The following SMIM41 variants were observed in gnomAD, a reference collection of about 807,000 sequenced individuals.
SMIM41 encodes the protein small integral membrane protein 41.
In SMIM41 at chr12:52,099,356, C is replaced by T. The variant is rs552929585; in HGVS notation, c.*196-8023C>T. On this transcript the variant is annotated intron_variant, in intron 2 of 2. Transcript: ENST00000546390. ...TATCACGGGTGGTTTACATCCCCTGCGATATTGGGAGTAATATCATCCTCT... is the reference window on the plus strand; with the variant it reads ...TATCACGGGTGGTTTACATCCCCTGTGATATTGGGAGTAATATCATCCTCT... Among the ~76,000 whole-genome samples the T allele has an allele frequency of 3.3e-5, 5 of 152,008 alleles. No homozygotes were observed. In the South Asian group the frequency reaches 6.2e-4, roughly 19 times the overall value.
At chr12:52,105,932 G>A (rs1466105797) in intron 2 of SMIM41, among the ~76,000 whole-genome samples, 1 of 152,196 alleles carries the variant, frequency 6.6e-6, no homozygotes, top group African/African-American at 2.4e-5. Flanking sequence ...TCTCATCTGA[G>A]TTGATTTGTA....
Position 52,080,131 on chromosome 12 carries a change from G to C in SMIM41, c.*70G>C. 2.9e-6 allele frequency: 1 copy of C among 345,686 alleles called. No individual in the cohort carries two copies. The highest frequency in any genetic ancestry group is 4.4e-5 in the East Asian group (1 of 22,672). 21.4% of individuals were successfully genotyped at this position (345,686 alleles called of 1,614,324 possible). A position where few individuals can be genotyped will look rare whatever the true frequency, so the allele number is the denominator to read the frequency against. On this transcript the variant is annotated 3_prime_UTR_variant, in exon 1 of 3. Coordinates refer to ENST00000546390, the MANE Select transcript of SMIM41 (RefSeq NM_001369216.1). ...ACTCCGAGCGGTCCGGAGCATGCCC[G>C]ACGGCTGCTGCGGTCCCGACCCCTT...
chr12:52,102,838 C>T (rs572641156), intron 2 of SMIM41, among the ~76,000 whole-genome samples: 8 of 152,154 alleles, frequency 5.3e-5, no homozygotes, highest in African/African-American at 9.7e-5. Flanking sequence ...CAGATGTTCC[C>T]GCAGTTGCAC....
At position 52,108,172 on chromosome 12, in the gene SMIM41, C is replaced by T. The variant is rs1402753959; in HGVS notation, c.*989C>T. 4.1e-5 allele frequency: 9 copies of T among 217,032 alleles called. No homozygotes were observed. The South Asian group carries it at 5.0e-4, about 12-fold the overall frequency. The allele number at this position is 217,032 out of a possible 1,614,324, so 13.4% of individuals were successfully genotyped here. ...GGTGCAGTGGCTGCAGTGATGTACA[C>T]GGTGGTCACCTCCATGCTCAACCCC... On this transcript the variant is annotated 3_prime_UTR_variant, in exon 3 of 3. Coordinates refer to ENST00000546390, the MANE Select transcript of SMIM41 (RefSeq NM_001369216.1).
At chr12:52,088,444 C>T (rs1376123217) in intron 2 of SMIM41, among the ~76,000 whole-genome samples, 1 of 152,120 alleles carries the variant, frequency 6.6e-6, no homozygotes, top group Non-Finnish European at 1.5e-5. Context: ...GAGGCTAGTG[C>T]GGATGGGGAA....
intron 2 of SMIM41, among the ~76,000 whole-genome samples, chr12:52,101,514 A>G (rs1436327192): frequency 6.6e-6 from 1 of 152,218 alleles, no homozygotes; most frequent in Non-Finnish European, 1.5e-5. Flanking sequence ...ATGGGGAATG[A>G]AGAGAAGTGG....
At chr12:52,096,556 TAAA>T (rs948167209) in intron 2 of SMIM41, among the ~76,000 whole-genome samples, 1 of 151,732 alleles carries the variant, frequency 6.6e-6, no homozygotes, top group Non-Finnish European at 1.5e-5. Flanking sequence ...TAATTGATAA[TAAA>T]AAGTTTTTGG....
At chr12:52,090,466 C>T (rs957026984) in intron 2 of SMIM41, among the ~76,000 whole-genome samples, 2 of 152,048 alleles carry the variant, frequency 1.3e-5, no homozygotes, top group African/African-American at 4.8e-5. Context: ...GCACTCCAGG[C>T]CACGGAACAA....
intron 2 of SMIM41, among the ~76,000 whole-genome samples, chr12:52,095,576 C>T (rs928472007): frequency 6.6e-5 from 10 of 152,108 alleles, no homozygotes; most frequent in Non-Finnish European, 2.9e-5. Context: ...TTGTATCATC[C>T]TCTCCCACGT....
chr12:52,098,739 G>GT (rs111875010), intron 2 of SMIM41, among the ~76,000 whole-genome samples: 1 of 150,618 alleles, frequency 6.6e-6, no homozygotes, highest in Non-Finnish European at 1.5e-5. Flanking sequence ...TATCACGGGG[G>GT]GGGGGGTGTA....
chr12:52,108,166 T>G lies in SMIM41; in HGVS notation c.*983T>G, dbSNP rs1345047628. 4.5e-6 allele frequency: 1 copy of G among 223,694 alleles called. No individual in the cohort carries two copies. The highest frequency in any genetic ancestry group is 8.9e-6 in the Non-Finnish European group (1 of 112,828). The allele number at this position is 223,694 out of a possible 1,614,324, so 13.9% of individuals were successfully genotyped here. A position where few individuals can be genotyped will look rare whatever the true frequency, so the allele number is the denominator to read the frequency against. ...AGAAAGGGTGCAGTGGCTGCAGTGA[T>G]GTACACGGTGGTCACCTCCATGCTC... On this transcript the variant is annotated 3_prime_UTR_variant, in exon 3 of 3. Transcript: ENST00000546390.
At chr12:52,101,431 A>G (rs1180702314) in intron 2 of SMIM41, among the ~76,000 whole-genome samples, 2 of 152,186 alleles carry the variant, frequency 1.3e-5, no homozygotes, top group South Asian at 2.1e-4. Context: ...TCACACACCT[A>G]CACACAAAAG....
intron 2 of SMIM41, among the ~76,000 whole-genome samples, chr12:52,096,200 C>G (rs1442598648): frequency 6.6e-6 from 1 of 151,976 alleles, no homozygotes; most frequent in Non-Finnish European, 1.5e-5. Flanking sequence ...ATATTAGGAA[C>G]AATACCACAG....
At chr12:52,090,934 AG>A (rs1939991265) in intron 2 of SMIM41, among the ~76,000 whole-genome samples, 1 of 152,250 alleles carries the variant, frequency 6.6e-6, no homozygotes, top group African/African-American at 2.4e-5. Context: ...GAAGTACTTT[AG>A]TGAAGGATCA....
At chr12:52,098,847 C>T (rs556857773) in intron 2 of SMIM41, among the ~76,000 whole-genome samples, 20 of 151,742 alleles carry the variant, frequency 1.3e-4, no homozygotes, top group African/African-American at 3.4e-4. Flanking sequence ...TGATATTCAA[C>T]GTAATCTTAG....
intron 2 of SMIM41, among the ~76,000 whole-genome samples, chr12:52,086,260 T>G (rs1015477698): frequency 6.6e-6 from 1 of 151,924 alleles, no homozygotes; most frequent in African/African-American, 2.4e-5. Context: ...GCCTGGGACC[T>G]TGGAAGGAAG....
intron 2 of SMIM41, among the ~76,000 whole-genome samples, chr12:52,102,959 G>C (rs1157246005): frequency 6.6e-6 from 1 of 152,190 alleles, no homozygotes; most frequent in Non-Finnish European, 1.5e-5. Context: ...GCAACCCAAG[G>C]GTTCGTGGAC....
chr12:52,095,281 C>T lies in SMIM41; in HGVS notation c.*195+11313C>T, dbSNP rs574324504. ...CGATGCGGGGAGTAACATCTCCCCC[C>T]TCTCCCCCACTGGATATTACGATCC... On this transcript the variant is annotated intron_variant, in intron 2 of 2. Transcript: ENST00000546390. 2.0e-5 allele frequency among the ~76,000 whole-genome samples: 3 copies of T among 151,938 alleles called. No homozygotes were observed. The East Asian group carries it at 5.8e-4, about 29-fold the overall frequency.
chr12:52,091,284 A>G (rs960728563), intron 2 of SMIM41, among the ~76,000 whole-genome samples: 8 of 152,166 alleles, frequency 5.3e-5, no homozygotes, highest in Non-Finnish European at 1.2e-4. Flanking sequence ...AGCTGTCCTC[A>G]GCCTGAGCCT....
Sources: allele counts gnomAD v4.1 joint callset (sites outside exome capture counted in the v4.1 genomes callset), GRCh38; gene constraint gnomAD v4.1.1; transcripts MANE v1.5; gene names NCBI Gene and HGNC (gene_info 2026-07-23, HGNC 2026-07-21).